The following MIS12 variants were observed in gnomAD, a reference collection of about 807,000 sequenced individuals.
MIS12 encodes protein MIS12 homolog.
In MIS12, 13 loss-of-function variants were observed where a neutral mutation model predicts 16.5. The observed-to-expected ratio is 0.79, with a 90% confidence interval of 0.51 to 1.25. MIS12 has a LOEUF of 1.25. Ranked by LOEUF, MIS12 falls within the 50% of genes most tolerant of loss-of-function variation. The probability of loss-of-function intolerance (pLI) is 0.00; values close to 1 mark genes in which losing one functional copy is unlikely to be tolerated. For synonymous variants in MIS12, 97 were observed against 87.3 expected, an observed-to-expected ratio of 1.11 and a Z score of -0.62; for missense variants, 199 against 239.5, an observed-to-expected ratio of 0.83 and a Z score of 1.12.
rs1274020243 is a variant in MIS12 at position 5,486,581 on chromosome 17, G to A, written c.-538G>A. ...CGAGGCGCGTATCAGTCGGAATTTT[G>A]GGGAGCCAACCGCGCCGTCTGTCCC... On this transcript the variant is annotated 5_prime_UTR_variant, in exon 1 of 3. Coordinates refer to ENST00000611091, the MANE Select transcript of MIS12 (RefSeq NM_001258217.2). 6.3e-6 allele frequency: 1 copy of A among 158,266 alleles called. No individual in the cohort carries two copies. Among genetic ancestry groups the A allele is most frequent in the Non-Finnish European group, 1.4e-5 (1 of 71,730 alleles). The allele number at this position is 158,266 out of a possible 1,614,324, so 9.8% of individuals were successfully genotyped here.
Position 5,489,001 on chromosome 17 carries a change from C to G in MIS12, c.139C>G (p.Leu47Val). ...QAVEQVILKK[L>V]DGIPDCDISP... ...CGTTGAACAGGTTATTCTGAAGAAG[C>G]TGGATGGCATCCCAGACTGTGACAT... Residue 47 changes from leucine to valine, a missense_variant, in exon 3 of 3, where the codon CTG (leucine) becomes GTG (valine). Transcript: ENST00000611091. 1 of 1,614,240 alleles carries G rather than the reference C, an allele frequency of 6.2e-7. No individual in the cohort carries two copies. The highest frequency in any genetic ancestry group is 2.2e-5 in the East Asian group (1 of 44,894).
chr17:5,488,118 C>T (rs1488675932), intron 1 of MIS12, 78 bp from the exon 2 acceptor site: 1 of 152,118 alleles, frequency 6.6e-6, no homozygotes, highest in South Asian at 2.1e-4. Context: ...AGGAATTACT[C>T]GCAGACCCTT....
intron 1 of MIS12, chr17:5,487,464 TCCTACCTTACATATACAGCCAA>T (rs1413975135): frequency 6.6e-6 from 1 of 151,958 alleles, no homozygotes. Flanking sequence ...CAGAAAGAAA[TCCTACCTTACATATACAGCCAA>T]ACAGTTATAA....
chr17:5,488,886 C>T lies in MIS12; in HGVS notation c.24C>T (p.Tyr8=), dbSNP rs138605952. 1.6e-5 allele frequency: 26 copies of T among 1,613,522 alleles called. 1 individual carries two copies. The highest frequency in any genetic ancestry group is 4.5e-5 in the East Asian group (2 of 44,890). MSVDPMT[Y]EAQFFGFTPQ... ...AGATGTCTGTGGATCCAATGACCTA[C>T]GAGGCCCAGTTCTTTGGCTTCACGC... The change falls in exon 3 of 3, where the codon TAC becomes TAT. Residue 8 remains tyrosine, a synonymous_variant. Coordinates refer to ENST00000611091, the MANE Select transcript of MIS12 (RefSeq NM_001258217.2).
In MIS12 at chr17:5,490,497, T is replaced by C. The variant is rs1451404092; in HGVS notation, c.*1017T>C. 6.0e-6 allele frequency: 1 copy of C among 167,132 alleles called. No homozygotes were observed. The highest frequency in any genetic ancestry group is 1.5e-5 in the Non-Finnish European group (1 of 68,130). The allele number at this position is 167,132 out of a possible 1,614,324, so 10.4% of individuals were successfully genotyped here. A position where few individuals can be genotyped will look rare whatever the true frequency, so the allele number is the denominator to read the frequency against. ...TTCACACTCATAAGCATCAAATATT[T>C]AATGCCCTCAGTGGGAAATTTGTGT... is the stretch of plus-strand genomic sequence containing the variant. On this transcript the variant is annotated 3_prime_UTR_variant, in exon 3 of 3. Transcript: ENST00000611091.
At chr17:5,488,656 G>C in intron 2 of MIS12, 67 bp downstream of exon 2, 1 of 411,300 alleles carries the variant, frequency 2.4e-6, no homozygotes, top group Non-Finnish European at 3.9e-6. Context: ...GCCTCAGAGA[G>C]GCAAAGAGTT....
In MIS12 at chr17:5,490,283, C is replaced by T. The variant is rs14043; in HGVS notation, c.*803C>T. ...TGACAAAAAACCTGGTGATGTTAAG[C>T]AATTGACTGTCTTAGAGTCCAGCAG... On this transcript the variant is annotated 3_prime_UTR_variant, in exon 3 of 3. Transcript: ENST00000611091. 19,391 of 166,940 alleles carry T rather than the reference C, an allele frequency of 0.12. 1,302 individuals are homozygous for T. Among genetic ancestry groups the T allele is most frequent in the East Asian group, 0.26 (1,337 of 5,170 alleles). 10.3% of individuals were successfully genotyped at this position (166,940 alleles called of 1,614,324 possible).
chr17:5,489,387 G>A lies in MIS12; in HGVS notation c.525G>A (p.Arg175=), dbSNP rs763036234. The A allele has an allele frequency of 4.3e-6, 7 of 1,614,006 alleles. No individual in the cohort carries two copies. In the South Asian group the frequency reaches 7.7e-5, roughly 18 times the overall value. The stretch of plus-strand genomic sequence containing the variant: ...GAGATCATGGGACTAGTGATTTTAG[G>A]GAGAGTTTAGTATCCCTGGTTCAGA... ...VGRDHGTSDF[R]ESLVSLVQNS... The change falls in exon 3 of 3, where the codon AGG becomes AGA. Residue 175 remains arginine (R), a synonymous_variant. Transcript: ENST00000611091.
At position 5,488,259 on chromosome 17, in the gene MIS12, C is replaced by A. The variant is rs73973805; in HGVS notation, c.-371C>A. 6.6e-6 allele frequency: 1 copy of A among 152,080 alleles called. No homozygotes were observed. The highest frequency in any genetic ancestry group is 2.4e-5 in the African/African-American group (1 of 41,368). The allele number at this position is 152,080 out of a possible 1,614,324, so 9.4% of individuals were successfully genotyped here. A position where few individuals can be genotyped will look rare whatever the true frequency, so the allele number is the denominator to read the frequency against. On this transcript the variant is annotated 5_prime_UTR_variant, in exon 2 of 3. Coordinates refer to ENST00000611091, the MANE Select transcript of MIS12 (RefSeq NM_001258217.2). ...CAACGGAGTGATCAAAATGATAGAT[C>A]ATGAGGCCTAAAATGAATAAGGAAA... is the stretch of plus-strand genomic sequence containing the variant.
At chr17:5,487,714 G>T (rs6502864) in intron 1 of MIS12, 65,674 of 151,740 alleles carry the variant, frequency 0.43, 16,770 homozygotes, top group African/African-American at 0.72. Context: ...GTATTTCTAG[G>T]AGAGATAGGG....
intron 2 of MIS12, 32 bp from the exon 3 acceptor site, chr17:5,488,791 C>A: frequency 6.8e-7 from 1 of 1,479,160 alleles, no homozygotes. Context: ...TTTTTTTTTT[C>A]CAAATGAATT....
chr17:5,490,727 A>G lies in MIS12; in HGVS notation c.*1247A>G, dbSNP rs1906726408. On this transcript the variant is annotated 3_prime_UTR_variant, in exon 3 of 3. Coordinates refer to ENST00000611091, the MANE Select transcript of MIS12 (RefSeq NM_001258217.2). ...TATTTGCAATGAAATATTCATAGATATTGAAAGCTTGTGTTTACATGAAAT... is the reference window on the plus strand; with the variant it reads ...TATTTGCAATGAAATATTCATAGATGTTGAAAGCTTGTGTTTACATGAAAT... 6.0e-6 allele frequency: 1 copy of G among 167,130 alleles called. No homozygotes were observed. Among genetic ancestry groups the G allele is most frequent in the African/African-American group, 2.4e-5 (1 of 41,468 alleles). 10.4% of individuals were successfully genotyped at this position (167,130 alleles called of 1,614,324 possible). A position where few individuals can be genotyped will look rare whatever the true frequency, so the allele number is the denominator to read the frequency against.
Position 5,490,643 on chromosome 17 carries a change from T to C in MIS12, c.*1163T>C, listed in dbSNP as rs527788360. The stretch of plus-strand genomic sequence containing the variant: ...TAAGGTATTGCTTGCCCTCCATGTC[T>C]TCCTAAAGAGCAGAACTTGGAGTTT... On this transcript the variant is annotated 3_prime_UTR_variant, in exon 3 of 3. Coordinates refer to ENST00000611091, the MANE Select transcript of MIS12 (RefSeq NM_001258217.2). 1.2e-5 allele frequency: 2 copies of C among 167,230 alleles called. No homozygotes were observed. The highest frequency in any genetic ancestry group is 2.9e-5 in the Non-Finnish European group (2 of 68,126). The allele number at this position is 167,230 out of a possible 1,614,324, so 10.4% of individuals were successfully genotyped here. A position where few individuals can be genotyped will look rare whatever the true frequency, so the allele number is the denominator to read the frequency against.
chr17:5,489,621 T>G lies in MIS12; in HGVS notation c.*141T>G, dbSNP rs1906636567. The G allele has an allele frequency of 6.1e-6, 6 of 988,686 alleles. No homozygotes were observed. The highest frequency in any genetic ancestry group is 3.3e-5 in the Admixed American group (1 of 30,380). The allele number at this position is 988,686 out of a possible 1,614,324, so 61.2% of individuals were successfully genotyped here. On this transcript the variant is annotated 3_prime_UTR_variant, in exon 3 of 3. Transcript: ENST00000611091. Reference sequence around the variant, plus strand: ...TAGATTTGCTTTGTCAACTCTTTCTTGTATTCTGTGTTTTCCTCTTTTTTG... The same window carrying G: ...TAGATTTGCTTTGTCAACTCTTTCTGGTATTCTGTGTTTTCCTCTTTTTTG...
intron 2 of MIS12, 108 bp from the exon 3 acceptor site, chr17:5,488,715 T>C: frequency 2.3e-6 from 2 of 885,066 alleles, no homozygotes; most frequent in Non-Finnish European, 3.3e-6. Context: ...CACAAACTCC[T>C]TATTTTTTAT....
In MIS12 at chr17:5,488,831, C is replaced by G; in HGVS notation, c.-32C>G. Reference sequence around the variant, plus strand: ...CCTTTTTACATTTGCAGGTTTTTCACGACTGAAAACAACATAGCAAAATAA... The same window carrying G: ...CCTTTTTACATTTGCAGGTTTTTCAGGACTGAAAACAACATAGCAAAATAA... On this transcript the variant is annotated 5_prime_UTR_variant, in exon 3 of 3. Transcript: ENST00000611091. The G allele has an allele frequency of 6.4e-7, 1 of 1,564,416 alleles. No individual in the cohort carries two copies. Among genetic ancestry groups the G allele is most frequent in the Non-Finnish European group, 8.6e-7 (1 of 1,156,740 alleles).
chr17:5,489,137 G>A lies in MIS12; in HGVS notation c.275G>A (p.Arg92His), dbSNP rs754094122. The A allele has an allele frequency of 5.6e-6, 9 of 1,614,144 alleles. No individual in the cohort carries two copies. The highest frequency in any genetic ancestry group is 1.7e-5 in the Admixed American group (1 of 60,026). The change falls in exon 3 of 3, where the codon CGT becomes CAT. Residue 92 changes from arginine to histidine, a missense_variant. Transcript: ENST00000611091. ...MEQLFLQLILRIPSNILLPED... is the reference protein window; with the variant it reads ...MEQLFLQLILHIPSNILLPED... Reference sequence around the variant, plus strand: ...CAACTGTTTTTGCAGCTGATTTTACGTATTCCCTCAAACATCTTGCTTCCT... The same window carrying A: ...CAACTGTTTTTGCAGCTGATTTTACATATTCCCTCAAACATCTTGCTTCCT...
At position 5,489,144 on chromosome 17, in the gene MIS12, C is replaced by T; in HGVS notation, c.282C>T (p.Pro94=). 1.2e-6 allele frequency: 2 copies of T among 1,614,174 alleles called. No individual in the cohort carries two copies. The highest frequency in any genetic ancestry group is 2.2e-5 in the East Asian group (1 of 44,888). The change falls in exon 3 of 3, where the codon CCC becomes CCT. Residue 94 remains proline (P), a synonymous_variant. Coordinates refer to ENST00000611091, the MANE Select transcript of MIS12 (RefSeq NM_001258217.2). ...QLFLQLILRI[P]SNILLPEDKC... ...TTTTGCAGCTGATTTTACGTATTCCCTCAAACATCTTGCTTCCTGAAGATA... is the reference window on the plus strand; with the variant it reads ...TTTTGCAGCTGATTTTACGTATTCCTTCAAACATCTTGCTTCCTGAAGATA...
At chr17:5,486,994 C>A (rs2151716085) in intron 1 of MIS12, 2 of 152,368 alleles carry the variant, frequency 1.3e-5, no homozygotes, top group South Asian at 4.1e-4. Flanking sequence ...ATTTATTCTG[C>A]TCTCAGGAAC....
Sources: allele counts gnomAD v4.1 joint callset, GRCh38; gene constraint gnomAD v4.1.1; transcripts MANE v1.5; gene names NCBI Gene and HGNC (gene_info 2026-07-23, HGNC 2026-07-21).